Variants in PCDH11Y observed in about 807,000 individuals in gnomAD.
The protein encoded by PCDH11Y is protocadherin-11 Y-linked.
For synonymous variants in PCDH11Y, 9 were observed against 83.6 expected, an observed-to-expected ratio of 0.11 and a Z score of 4.87; for missense variants, 12 against 224.8, an observed-to-expected ratio of 0.05 and a Z score of 6.05.
chrY:5,187,264 T>A, intron 2 of PCDH11Y, among the ~76,000 whole-genome samples: 1 of 33,040 alleles, frequency 3.0e-5, no homozygotes, highest in South Asian at 6.9e-4. Context: ...TGGAAGACTG[T>A]GGCCCTGTTC....
chrY:5,479,745 C>T, intron 2 of PCDH11Y, among the ~76,000 whole-genome samples: 1 of 34,236 alleles, frequency 2.9e-5, no homozygotes, highest in Non-Finnish European at 7.3e-5. Context: ...ATTCTTTTTT[C>T]TCTAATCTTG....
At chrY:5,386,363 G>C in intron 2 of PCDH11Y, among the ~76,000 whole-genome samples, 1 of 32,487 alleles carries the variant, frequency 3.1e-5, no homozygotes, top group Admixed American at 2.9e-4. Context: ...GAATTTCCCA[G>C]GTGTTCTTTG....
chrY:5,028,099 G>A (rs2052581816), intron 1 of PCDH11Y, among the ~76,000 whole-genome samples: 1 of 33,075 alleles, frequency 3.0e-5, no homozygotes, highest in African/African-American at 1.2e-4. Context: ...GATGATGGAG[G>A]GATAACAGGC....
intron 2 of PCDH11Y, among the ~76,000 whole-genome samples, chrY:5,490,415 A>T: frequency 5.8e-5 from 2 of 34,746 alleles, no homozygotes; most frequent in Non-Finnish European, 7.2e-5. Flanking sequence ...TCCAGATGCC[A>T]TCACATTAGT....
At chrY:5,178,831 T>C in intron 2 of PCDH11Y, among the ~76,000 whole-genome samples, 1 of 31,885 alleles carries the variant, frequency 3.1e-5, no homozygotes, top group African/African-American at 1.2e-4. Context: ...GTGTCCATAA[T>C]TGTGGTCCCA....
At chrY:5,708,341 C>A (rs1437916658) in intron 4 of PCDH11Y, among the ~76,000 whole-genome samples, 2 of 32,889 alleles carry the variant, frequency 6.1e-5, no homozygotes, top group Non-Finnish European at 1.5e-4. Context: ...GCACAAAAAA[C>A]CGGAATATTA....
At chrY:5,102,237 C>T, downstream of PCDH11Y, among the ~76,000 whole-genome samples, 1 of 32,365 alleles carries the variant, frequency 3.1e-5, no homozygotes, top group Non-Finnish European at 7.6e-5. Context: ...TAAGAGATGT[C>T]GAACATCTCC....
intron 2 of PCDH11Y, among the ~76,000 whole-genome samples, chrY:5,500,350 ACTT>A (rs2053351421): frequency 3.1e-5 from 1 of 31,815 alleles, no homozygotes; most frequent in African/African-American, 1.2e-4. Flanking sequence ...GATGTTACAA[ACTT>A]CTTCTTTCGG....
chrY:5,513,191 C>T, intron 3 of PCDH11Y, among the ~76,000 whole-genome samples: 1 of 31,502 alleles, frequency 3.2e-5, no homozygotes, highest in Admixed American at 3.0e-4. Context: ...CCACCACGCC[C>T]GGCTAATTTT....
chrY:5,111,040 A>AT (rs2052802145), intron 2 of PCDH11Y, among the ~76,000 whole-genome samples: 1 of 32,972 alleles, frequency 3.0e-5, no homozygotes, highest in Non-Finnish European at 7.4e-5. Flanking sequence ...AATTGAGTGT[A>AT]TTTTTTGCAG....
intron 2 of PCDH11Y, among the ~76,000 whole-genome samples, chrY:5,190,505 C>T (rs2052911146): frequency 6.1e-5 from 2 of 32,971 alleles, no homozygotes; most frequent in Non-Finnish European, 1.5e-4. Context: ...TGAAAGTGTC[C>T]GCAAAACAGC....
At chrY:5,630,726 A>G (rs2053511831) in intron 4 of PCDH11Y, among the ~76,000 whole-genome samples, 1 of 33,059 alleles carries the variant, frequency 3.0e-5, no homozygotes, top group Non-Finnish European at 7.5e-5. Flanking sequence ...TGTTTTTTCA[A>G]TTATTGATTG....
chrY:5,189,465 C>T, intron 2 of PCDH11Y, among the ~76,000 whole-genome samples: 2 of 32,827 alleles, frequency 6.1e-5, no homozygotes, highest in Non-Finnish European at 1.5e-4. Context: ...GTCAGATGAT[C>T]TTTAATGACT....
chrY:5,237,279 G>A (rs2124654549), intron 2 of PCDH11Y, among the ~76,000 whole-genome samples: 3 of 33,100 alleles, frequency 9.1e-5, no homozygotes, highest in Non-Finnish European at 2.2e-4. Context: ...AAAATACTAT[G>A]GAAGCATGCT....
At chrY:5,170,145 C>T (rs2571805) in intron 2 of PCDH11Y, among the ~76,000 whole-genome samples, 1 of 31,615 alleles carries the variant, frequency 3.2e-5, no homozygotes, top group Non-Finnish European at 7.8e-5. Flanking sequence ...TTTATCTTTA[C>T]GTGAAGGACA....
intron 2 of PCDH11Y, among the ~76,000 whole-genome samples, chrY:5,353,533 T>C: frequency 3.1e-5 from 1 of 32,583 alleles, no homozygotes; most frequent in East Asian, 8.0e-4. Flanking sequence ...CAGGACATTA[T>C]AATTATTATA....
At chrY:5,322,701 A>G in intron 2 of PCDH11Y, among the ~76,000 whole-genome samples, 1 of 32,558 alleles carries the variant, frequency 3.1e-5, no homozygotes, top group Non-Finnish European at 7.5e-5. Context: ...ACGATATCTT[A>G]TTGATCCTAG....
chrY:5,445,518 T>TTCC (rs2053287057), intron 2 of PCDH11Y, among the ~76,000 whole-genome samples: 2 of 27,727 alleles, frequency 7.2e-5, no homozygotes, highest in Non-Finnish European at 8.6e-5. Flanking sequence ...CCTCCTCCTT[T>TTCC]TCCTCCTCCT....
intron 2 of PCDH11Y, among the ~76,000 whole-genome samples, chrY:5,243,564 G>A (rs2124655778): frequency 7.3e-5 from 2 of 27,283 alleles, no homozygotes; most frequent in Admixed American, 3.1e-4. Context: ...TGGCTCAATA[G>A]ACACAACCAG....
Sources: allele counts gnomAD v4.1 joint callset (sites outside exome capture counted in the v4.1 genomes callset), GRCh38; gene constraint gnomAD v4.1.1; transcripts MANE v1.5; gene names NCBI Gene and HGNC (gene_info 2026-07-23, HGNC 2026-07-21).